Variants in CCDC39 observed in about 807,000 individuals in gnomAD.
The protein encoded by CCDC39 is coiled-coil domain 39 molecular ruler complex subunit.
In CCDC39, 113 loss-of-function variants were observed where a neutral mutation model predicts 121.0. That is an observed-to-expected ratio of 0.93 (90% confidence interval 0.80 to 1.09). The LOEUF (loss-of-function observed/expected upper bound fraction) is 1.09. Among genes scored for constraint, CCDC39 ranks in the 50% least tolerant of loss-of-function variants. The pLI is 0.00. For missense variants in CCDC39, 1,063 were observed against 1,074.7 expected (o/e 0.99, Z 0.15); for synonymous variants, 349 against 352.2 (o/e 0.99, Z 0.10).
At position 180,619,852 on chromosome 3, in the gene CCDC39, T is replaced by C; in HGVS notation, c.2117A>G (p.Asn706Ser). 6.2e-7 allele frequency: 1 copy of C among 1,608,060 alleles called. No individual in the cohort carries two copies. The highest frequency in any genetic ancestry group is 8.5e-7 in the Non-Finnish European group (1 of 1,177,624). The change falls in exon 15 of 20, where the codon AAC becomes AGC. Residue 706 changes from asparagine to serine, a missense_variant. Physicochemically the swap from Asn to Ser is conservative, Grantham distance 46 (BLOSUM62 1). Transcript: ENST00000476379. ...TTTAAAAGATTGCTTATAATTGTTG[T>C]TACAGCTGTTCAGCACTTGAAGGGT... ...ENTLQVLNSC[N>S]NNYKQSFKKV...
At chr3:180,629,410 A>G (rs945699013) in intron 14 of CCDC39, among the ~76,000 whole-genome samples, 1 of 152,244 alleles carries the variant, frequency 6.6e-6, no homozygotes, top group Non-Finnish European at 1.5e-5. Context: ...TCTGCAAGTT[A>G]GTTATCATCT....
intron 6 of CCDC39, among the ~76,000 whole-genome samples, chr3:180,658,106 G>C (rs542301341): frequency 6.6e-6 from 1 of 152,128 alleles, no homozygotes; most frequent in Admixed American, 6.6e-5. Flanking sequence ...GGGCGTGGTG[G>C]CGGGAGCCTG....
intron 16 of CCDC39, among the ~76,000 whole-genome samples, chr3:180,618,923 T>C (rs1047164085): frequency 1.4e-4 from 21 of 152,158 alleles, no homozygotes; most frequent in Admixed American, 1.3e-4. Flanking sequence ...TTATTTTTTC[T>C]TTCAAACTAT....
At chr3:180,619,501 T>C (rs1717363752) in intron 15 of CCDC39, 136 bp from the exon 16 acceptor site, 1 of 631,548 alleles carries the variant, frequency 1.6e-6, no homozygotes, top group Non-Finnish European at 2.8e-6. Context: ...AAAAACACTA[T>C]GGGCATGTAG....
Position 180,614,655 on chromosome 3 carries a change from A to G in CCDC39, c.*266T>C, listed in dbSNP as rs775436444. The G allele has an allele frequency of 1.2e-4, 42 of 337,956 alleles. No individual in the cohort carries two copies. The highest frequency in any genetic ancestry group is 2.0e-4 in the Non-Finnish European group (37 of 186,988). 20.9% of individuals were successfully genotyped at this position (337,956 alleles called of 1,614,324 possible). On this transcript the variant is annotated 3_prime_UTR_variant, in exon 20 of 20. Coordinates refer to ENST00000476379, the MANE Select transcript of CCDC39 (RefSeq NM_181426.2). ...ATGAAGCAAACTATTTTCTAACACT[A>G]CGAACATCAGAATTACAGTGAAATA...
intron 4 of CCDC39, 122 bp downstream of exon 4, chr3:180,660,448 A>G: frequency 3.8e-6 from 3 of 789,562 alleles, no homozygotes; most frequent in Non-Finnish European, 5.6e-6. Flanking sequence ...TTCTCCAAGA[A>G]GCCTCTGACT....
Position 180,651,409 on chromosome 3 carries a change from CT to C in CCDC39, c.1158del (p.Asp387MetfsTer2). 6.4e-7 allele frequency: 1 copy of C among 1,555,722 alleles called. No homozygotes were observed. Among genetic ancestry groups the C allele is most frequent in the Non-Finnish European group, 8.7e-7 (1 of 1,148,940 alleles). On this transcript the variant is annotated frameshift_variant, in exon 9 of 20. Coordinates refer to ENST00000476379, the MANE Select transcript of CCDC39 (RefSeq NM_181426.2). LOFTEE classifies it high-confidence loss of function. ...TTAAAACTAAACTTTACCTTCACATCTTTTTCCTCCTCCTTTAGCATATCTT... is the reference window on the plus strand; with the variant it reads ...TTAAAACTAAACTTTACCTTCACATCTTTTCCTCCTCCTTTAGCATATCTT... ...NLEDMLKEEEKDVKEVDVQLN... is the reference protein window; with the variant it reads ...NLEDMLKEEEXDVKEVDVQLN...
rs149870337 is a variant in CCDC39, at chr3:180,643,774, A to G, written c.1665+346T>C. Among the ~76,000 whole-genome samples the G allele has an allele frequency of 3.4e-3, 517 of 152,306 alleles. 4 individuals carry two copies. Among genetic ancestry groups the G allele is most frequent in the African/African-American group, 0.012 (495 of 41,580 alleles). On this transcript the variant is annotated intron_variant, in intron 12 of 19. Transcript: ENST00000476379. ...GCACTGTACATGTAGTACTATTTAC[A>G]ATAGCCAAGCATTAGAAAGAAACAA...
At position 180,659,467 on chromosome 3, in the gene CCDC39, T is replaced by A. The variant is rs1711683926; in HGVS notation, c.723A>T (p.Ile241=). The change falls in exon 6 of 20, where the codon ATA becomes ATT. Residue 241 remains isoleucine (I), a synonymous_variant. Transcript: ENST00000476379. The part of the protein sequence containing the change: ...IEQMQKRDGD[I]DNCALELARI... ...ACTACTTTACCAAAGCACAGTTATC[T>A]ATGTCTCCATCCCTCTTCTGCATCT... 1 of 1,613,510 alleles carries A rather than the reference T, an allele frequency of 6.2e-7. No homozygotes were observed.
chr3:180,677,602 C>A (rs1389605695), intron 1 of CCDC39, among the ~76,000 whole-genome samples: 2 of 151,962 alleles, frequency 1.3e-5, no homozygotes, highest in African/African-American at 4.8e-5. Context: ...ATTTTTTTAG[C>A]AATCAGCACC....
At chr3:180,657,215 G>C (rs1228945871) in intron 6 of CCDC39, among the ~76,000 whole-genome samples, 1 of 152,086 alleles carries the variant, frequency 6.6e-6, no homozygotes, top group Non-Finnish European at 1.5e-5. Context: ...TTCTCATATA[G>C]CAGTTGTCAA....
At chr3:180,638,844 A>G (rs565179743) in intron 13 of CCDC39, among the ~76,000 whole-genome samples, 115 of 152,284 alleles carry the variant, frequency 7.6e-4, no homozygotes, top group African/African-American at 2.6e-3. Flanking sequence ...TTCAGTAAAA[A>G]CAATGAAAAG....
chr3:180,662,082 AT>A, intron 2 of CCDC39, 75 bp from the exon 3 acceptor site: 1 of 1,385,256 alleles, frequency 7.2e-7, no homozygotes, highest in Non-Finnish European at 9.7e-7. Context: ...ATAATAATCC[AT>A]TAGATTAAAA....
intron 13 of CCDC39, among the ~76,000 whole-genome samples, chr3:180,641,375 A>G (rs1717951730): frequency 6.6e-6 from 1 of 152,124 alleles, no homozygotes; most frequent in Non-Finnish European, 1.5e-5. Flanking sequence ...ATAATAAGAC[A>G]AGGATACCTG....
intron 1 of CCDC39, among the ~76,000 whole-genome samples, chr3:180,674,101 T>G (rs1231414273): frequency 1.3e-5 from 2 of 152,186 alleles, no homozygotes; most frequent in African/African-American, 2.4e-5. Flanking sequence ...TGATTCTTCC[T>G]ATTCATGAGC....
intron 6 of CCDC39, among the ~76,000 whole-genome samples, chr3:180,656,684 G>T (rs1699570227): frequency 6.6e-6 from 1 of 151,934 alleles, no homozygotes; most frequent in Admixed American, 6.6e-5. Context: ...AGGTCATAAA[G>T]AACTTGCTGA....
chr3:180,677,168 T>TTATTTATATATA (rs1553807757), intron 1 of CCDC39, among the ~76,000 whole-genome samples: 1 of 35,176 alleles, frequency 2.8e-5, no homozygotes, highest in Non-Finnish European at 5.3e-5. Flanking sequence ...AATAATAATT[T>TTATTTATATATA]TATATATATA....
chr3:180,671,430 T>G (rs115227635), intron 1 of CCDC39, among the ~76,000 whole-genome samples: 3 of 152,304 alleles, frequency 2.0e-5, no homozygotes, highest in African/African-American at 7.2e-5. Flanking sequence ...GTACCTCTGC[T>G]GCTGCATACT....
At chr3:180,637,306 A>G (rs1717852565) in intron 13 of CCDC39, among the ~76,000 whole-genome samples, 1 of 152,212 alleles carries the variant, frequency 6.6e-6, no homozygotes, top group African/African-American at 2.4e-5. Flanking sequence ...GCATGTGCCA[A>G]AAAGCATATG....
Sources: gnomAD v4.1 joint callset for allele counts (sites outside exome capture counted in the v4.1 genomes callset) on GRCh38, gnomAD v4.1.1 for gene constraint, MANE v1.5 for transcripts, NCBI Gene and HGNC (gene_info 2026-07-23, HGNC 2026-07-21) for gene names.